The following DAP variants were observed in gnomAD, a reference collection of about 807,000 sequenced individuals.
DAP encodes death associated protein, also known as death-associated protein 1.
DAP carries 8 observed loss-of-function variants against 13.8 expected under a neutral mutation model. The observed-to-expected ratio is 0.58, with a 90% confidence interval of 0.34 to 1.05. The LOEUF is 1.05. Ranked by LOEUF, DAP falls within the 50% of genes least tolerant of loss-of-function variation. The pLI is 0.03. For missense variants in DAP, 106 were observed against 133.2 expected, an observed-to-expected ratio of 0.80 and a Z score of 1.01; for synonymous variants, 47 against 47.5, an observed-to-expected ratio of 0.99 and a Z score of 0.04.
chr5:10,731,326 C>A (rs62336766), intron 2 of DAP, among the ~76,000 whole-genome samples: 12,923 of 152,020 alleles, frequency 0.085, 721 homozygotes, highest in African/African-American at 0.16. Context: ...GAGAGCCCTG[C>A]GGGTGGAGGA....
intron 2 of DAP, among the ~76,000 whole-genome samples, chr5:10,699,960 G>A (rs1738531392): frequency 6.6e-6 from 1 of 152,236 alleles, no homozygotes; most frequent in South Asian, 2.1e-4. Flanking sequence ...ACAAAGTGAG[G>A]AGGCAGATGC....
chr5:10,718,655 T>C (rs1739058431), intron 2 of DAP, among the ~76,000 whole-genome samples: 1 of 152,194 alleles, frequency 6.6e-6, no homozygotes, highest in Non-Finnish European at 1.5e-5. Context: ...CTTAACCTAG[T>C]GGTGACTCTA....
chr5:10,754,200 G>A (rs536780765), intron 1 of DAP, among the ~76,000 whole-genome samples: 2 of 152,280 alleles, frequency 1.3e-5, no homozygotes, highest in East Asian at 1.9e-4. Context: ...GGTGAGAGGC[G>A]GTAAGAACGT....
At chr5:10,738,742 G>C (rs1003957582) in intron 2 of DAP, among the ~76,000 whole-genome samples, 2 of 152,222 alleles carry the variant, frequency 1.3e-5, no homozygotes, top group African/African-American at 4.8e-5. Context: ...AGAGTCTGTA[G>C]ATTAGATAAC....
intron 1 of DAP, among the ~76,000 whole-genome samples, chr5:10,756,350 T>A (rs916885900): frequency 1.1e-5 from 1 of 91,692 alleles, no homozygotes; most frequent in South Asian, 3.5e-4. Context: ...ACAGGGTTAA[T>A]AGAAGACAAA....
intron 2 of DAP, among the ~76,000 whole-genome samples, chr5:10,723,396 AGG>A (rs1320018291): frequency 6.6e-6 from 1 of 152,274 alleles, no homozygotes; most frequent in Non-Finnish European, 1.5e-5. Context: ...CAGGTCTTCT[AGG>A]CCAGTCCTTG....
intron 1 of DAP, among the ~76,000 whole-genome samples, chr5:10,755,589 T>C (rs187588338): frequency 6.6e-6 from 1 of 152,298 alleles, no homozygotes; most frequent in East Asian, 1.9e-4. Context: ...GAATTGCTCT[T>C]TGTTAAGAAG....
intron 2 of DAP, among the ~76,000 whole-genome samples, chr5:10,732,571 C>T (rs1235574493): frequency 6.6e-6 from 1 of 152,168 alleles, no homozygotes; most frequent in Admixed American, 6.5e-5. Flanking sequence ...CACTCATTGG[C>T]TGATGAGCAT....
intron 2 of DAP, among the ~76,000 whole-genome samples, chr5:10,684,972 C>T (rs183778124): frequency 6.6e-6 from 1 of 152,318 alleles, no homozygotes; most frequent in East Asian, 1.9e-4. Context: ...TAGAATTTAT[C>T]CCCTGAGCTC....
At chr5:10,724,639 A>G (rs531636960) in intron 2 of DAP, among the ~76,000 whole-genome samples, 1 of 152,368 alleles carries the variant, frequency 6.6e-6, no homozygotes, top group East Asian at 1.9e-4. Flanking sequence ...AAATTGCTTA[A>G]GAGTCATAAA....
chr5:10,730,841 G>T (rs756369218), intron 2 of DAP, among the ~76,000 whole-genome samples: 1 of 132,324 alleles, frequency 7.6e-6, no homozygotes, highest in Non-Finnish European at 1.6e-5. Flanking sequence ...GCCCTGGTGG[G>T]GGGGAAATCT....
chr5:10,735,734 A>G (rs187849568), intron 2 of DAP, among the ~76,000 whole-genome samples: 44 of 152,330 alleles, frequency 2.9e-4, no homozygotes, highest in Admixed American at 2.9e-3. Flanking sequence ...AAACACTGGC[A>G]TAGGGGAAGA....
rs778481842 is a variant in DAP, at chr5:10,683,573, T to TG, written c.153-3dup. 6.2e-7 allele frequency: 1 copy of TG among 1,613,188 alleles called. No individual in the cohort carries two copies. Among genetic ancestry groups the TG allele is most frequent in the Non-Finnish European group, 8.5e-7 (1 of 1,179,796 alleles). On this transcript the variant is annotated splice_region_variant and splice_polypyrimidine_tract_variant and intron_variant, in intron 2 of 3. Coordinates refer to ENST00000230895, the MANE Select transcript of DAP (RefSeq NM_004394.3). Reference sequence around the variant, plus strand: ...ATGAACACAGTGGGTTTAGGTGGACTGGAAAAAAAGAAGGGAAAAGGCAGA... The same window carrying TG: ...ATGAACACAGTGGGTTTAGGTGGACTGGGAAAAAAAGAAGGGAAAAGGCAGA...
chr5:10,709,969 C>T lies in DAP; in HGVS notation c.153-26398G>A, dbSNP rs186167605. Among the ~76,000 whole-genome samples the T allele has an allele frequency of 3.9e-5, 6 of 152,318 alleles. No individual in the cohort carries two copies. The East Asian group carries it at 9.6e-4, about 24-fold the overall frequency. ...CATAAGCCTTCCTCAAACACAGAGGCCCAGCGATCTGTGTGTAACCAGCCC... is the reference window on the plus strand; with the variant it reads ...CATAAGCCTTCCTCAAACACAGAGGTCCAGCGATCTGTGTGTAACCAGCCC... On this transcript the variant is annotated intron_variant, in intron 2 of 3. Coordinates refer to ENST00000230895, the MANE Select transcript of DAP (RefSeq NM_004394.3).
intron 2 of DAP, 141 bp downstream of exon 2, chr5:10,748,034 G>C (rs1739954555): frequency 1.6e-6 from 1 of 634,360 alleles, no homozygotes; most frequent in Admixed American, 2.8e-5. Flanking sequence ...CCTCCTCCCT[G>C]ATTAGGAAGG....
intron 2 of DAP, among the ~76,000 whole-genome samples, chr5:10,711,342 T>G (rs567075084): frequency 2.0e-5 from 3 of 152,304 alleles, no homozygotes; most frequent in African/African-American, 7.2e-5. Context: ...TGCCAGGCGA[T>G]CCATGTCTGC....
chr5:10,698,260 C>T (rs1262549347), intron 2 of DAP, among the ~76,000 whole-genome samples: 7 of 110,718 alleles, frequency 6.3e-5, no homozygotes, highest in African/African-American at 2.5e-4. Flanking sequence ...ATACCAAGCA[C>T]TTGGGCCTTT....
At chr5:10,682,586 C>A (rs1346447612) in intron 3 of DAP, among the ~76,000 whole-genome samples, 7 of 152,178 alleles carry the variant, frequency 4.6e-5, no homozygotes, top group Non-Finnish European at 1.0e-4. Flanking sequence ...GAAGCCCAGG[C>A]CAGCACCCAC....
At chr5:10,709,361 T>C (rs1012704927) in intron 2 of DAP, among the ~76,000 whole-genome samples, 1 of 152,188 alleles carries the variant, frequency 6.6e-6, no homozygotes, top group African/African-American at 2.4e-5. Flanking sequence ...GCTCACACAG[T>C]GTGACTACTG....
Sources: allele counts gnomAD v4.1 joint callset (sites outside exome capture counted in the v4.1 genomes callset), GRCh38; gene constraint gnomAD v4.1.1; transcripts MANE v1.5; gene names NCBI Gene and HGNC (gene_info 2026-07-23, HGNC 2026-07-21).